ANKRD27: variants seen among roughly 807,000 people sequenced by gnomAD.
ANKRD27 encodes ankyrin repeat domain 27.
A neutral mutation model predicts 129.7 loss-of-function variants in ANKRD27; 112 were observed. The observed-to-expected ratio is 0.86, with a 90% CI of 0.74 to 1.01. ANKRD27 has a LOEUF of 1.01. ANKRD27 is among the 50% of genes least tolerant of loss of function. The probability of loss-of-function intolerance (pLI) is 0.00; values close to 1 mark genes in which losing one functional copy is unlikely to be tolerated. For missense variants in ANKRD27, 1,258 were observed against 1,300.5 expected (o/e 0.97, Z 0.50); for synonymous variants, 516 against 511.2 (o/e 1.01, Z -0.13).
rs1451385299 is a variant in ANKRD27 at position 32,622,537 on chromosome 19, A to G, written c.1712T>C (p.Ile571Thr). Reference protein sequence around the residue: ...GNEKGDTPLHIAARWGYQGVI... With the variant: ...GNEKGDTPLHTAARWGYQGVI... ...GCCTTGGTAGCCCCAGCGGGCAGCAATGTGTAGAGGGGTGTCTCCTTTCTC... is the reference window on the plus strand; with the variant it reads ...GCCTTGGTAGCCCCAGCGGGCAGCAGTGTGTAGAGGGGTGTCTCCTTTCTC... The change falls in exon 18 of 29, where the codon ATT (isoleucine) becomes ACT (threonine). Residue 571 changes from isoleucine (I) to threonine (T), a missense_variant. Transcript: ENST00000306065. 1.2e-6 allele frequency: 2 copies of G among 1,613,988 alleles called. No individual in the cohort carries two copies. Among genetic ancestry groups the G allele is most frequent in the Non-Finnish European group, 8.5e-7 (1 of 1,180,016 alleles).
At chr19:32,668,967 G>C (rs996596827) in intron 1 of ANKRD27, among the ~76,000 whole-genome samples, 1 of 151,982 alleles carries the variant, frequency 6.6e-6, no homozygotes, top group African/African-American at 2.4e-5. Context: ...GGATAAATAA[G>C]AGCCATTCAT....
chr19:32,621,940 C>T (rs770155876), intron 18 of ANKRD27, among the ~76,000 whole-genome samples: 5 of 152,174 alleles, frequency 3.3e-5, no homozygotes, highest in Non-Finnish European at 5.9e-5. Flanking sequence ...ACAACATGCT[C>T]CCCAAACTAT....
chr19:32,651,435 T>C (rs1256102633), intron 2 of ANKRD27, among the ~76,000 whole-genome samples: 1 of 152,112 alleles, frequency 6.6e-6, no homozygotes, highest in African/African-American at 2.4e-5. Flanking sequence ...AGTGGCGTGA[T>C]CTCGGCTCAC....
chr19:32,661,690 A>G (rs890682669), intron 1 of ANKRD27, among the ~76,000 whole-genome samples: 17 of 151,998 alleles, frequency 1.1e-4, no homozygotes, highest in African/African-American at 3.9e-4. Context: ...TACTTGGGGG[A>G]TTGGTTCTGG....
chr19:32,666,895 C>T (rs1330034206), intron 1 of ANKRD27, among the ~76,000 whole-genome samples: 1 of 152,130 alleles, frequency 6.6e-6, no homozygotes, highest in African/African-American at 2.4e-5. Context: ...GATCCGCCCA[C>T]CTCGGCCTCC....
At chr19:32,652,356 G>A (rs558150871) in intron 2 of ANKRD27, among the ~76,000 whole-genome samples, 1 of 152,302 alleles carries the variant, frequency 6.6e-6, no homozygotes, top group South Asian at 2.1e-4. Flanking sequence ...TTGGGAGGCT[G>A]AGGCAGGTGG....
chr19:32,673,604 AC>A (rs200290831), intron 1 of ANKRD27: 5,944 of 319,496 alleles, frequency 0.019, 91 homozygotes, highest in Non-Finnish European at 0.022. Context: ...CCCTCTTTCC[AC>A]CCATTTTGTC....
intron 25 of ANKRD27, among the ~76,000 whole-genome samples, chr19:32,602,826 CT>C (rs1371231596): frequency 8.6e-5 from 13 of 151,964 alleles, no homozygotes; most frequent in Admixed American, 6.6e-4. Flanking sequence ...AAGGTTAAGG[CT>C]GCAGTGAGCC....
At chr19:32,661,553 C>T (rs949448126) in intron 1 of ANKRD27, among the ~76,000 whole-genome samples, 2 of 152,010 alleles carry the variant, frequency 1.3e-5, no homozygotes, top group African/African-American at 2.4e-5. Flanking sequence ...GTGTTGCCCA[C>T]GCTGAACTTG....
intron 22 of ANKRD27, among the ~76,000 whole-genome samples, chr19:32,609,070 G>A (rs976061514): frequency 5.3e-5 from 8 of 150,658 alleles, no homozygotes; most frequent in African/African-American, 9.8e-5. Context: ...GTTTTGCCAC[G>A]TTGGCTAGGC....
chr19:32,618,439 G>A (rs1354342058), intron 20 of ANKRD27, among the ~76,000 whole-genome samples: 4 of 122,988 alleles, frequency 3.3e-5, no homozygotes, highest in Admixed American at 8.7e-5. Context: ...CAGTGAGACC[G>A]TGTCCCAAAA....
At chr19:32,635,747 G>A (rs980551688) in intron 12 of ANKRD27, among the ~76,000 whole-genome samples, 63 of 152,192 alleles carry the variant, frequency 4.1e-4, no homozygotes, top group African/African-American at 1.5e-3. Flanking sequence ...TGAGTGGGGT[G>A]ATTAAATCAG....
intron 1 of ANKRD27, among the ~76,000 whole-genome samples, chr19:32,665,314 G>C (rs1374697339): frequency 1.4e-5 from 2 of 143,870 alleles, no homozygotes; most frequent in East Asian, 2.0e-4. Flanking sequence ...TTTTGAGACA[G>C]AGTCTCGCTC....
chr19:32,642,693 C>T (rs191338301), intron 9 of ANKRD27, among the ~76,000 whole-genome samples: 28 of 152,272 alleles, frequency 1.8e-4, no homozygotes, highest in African/African-American at 6.5e-4. Flanking sequence ...GCCGAGATCA[C>T]ACCACTGCAC....
chr19:32,606,939 CAAAAAAAAAAAAAAAA>C (rs532062312), intron 23 of ANKRD27, among the ~76,000 whole-genome samples: 13 of 65,646 alleles, frequency 2.0e-4, no homozygotes, highest in South Asian at 1.5e-3. Context: ...CCCATCTCCA[CAAAAAAAAAAAAAAAA>C]AAAAAAAAAA....
intron 23 of ANKRD27, among the ~76,000 whole-genome samples, chr19:32,606,721 G>T (rs1328222785): frequency 1.3e-5 from 2 of 152,052 alleles, no homozygotes; most frequent in African/African-American, 4.8e-5. Flanking sequence ...CGAGAGAGAT[G>T]CAAGACCTGA....
rs1204912234 is a variant in ANKRD27 at position 32,643,620 on chromosome 19, A to G, written c.537T>C (p.Asn179=). The part of the protein sequence containing the change: ...KSLRHHIDSA[N]ALYTKCLQQL... ...GCTGGAGGCATTTGGTGTAGAGAGC[A>G]TTCGCTGAGTCCTAAACCACATAGA... Residue 179 remains asparagine, a synonymous_variant, in exon 6 of 29, where the codon AAT becomes AAC. Coordinates refer to ENST00000306065, the MANE Select transcript of ANKRD27 (RefSeq NM_032139.3). 1.9e-6 allele frequency: 3 copies of G among 1,613,904 alleles called. No homozygotes were observed. Among genetic ancestry groups the G allele is most frequent in the African/African-American group, 1.3e-5 (1 of 74,888 alleles).
At chr19:32,605,349 C>G (rs541018242) in intron 24 of ANKRD27, among the ~76,000 whole-genome samples, 18 of 152,144 alleles carry the variant, frequency 1.2e-4, no homozygotes, top group Admixed American at 2.6e-4. Context: ...GCCTGGGCCA[C>G]AGAGCAAGAC....
chr19:32,608,490 TA>T, intron 22 of ANKRD27: 1 of 249,282 alleles, frequency 4.0e-6, no homozygotes, highest in Non-Finnish European at 8.5e-6. Context: ...TTTTGATGAT[TA>T]AAAATGTTAC....
Sources: gnomAD v4.1 joint callset for allele counts (sites outside exome capture counted in the v4.1 genomes callset) on GRCh38, gnomAD v4.1.1 for gene constraint, MANE v1.5 for transcripts, NCBI Gene and HGNC (gene_info 2026-07-23, HGNC 2026-07-21) for gene names.